SLC4A10: variants seen among roughly 807,000 people sequenced by gnomAD.
SLC4A10 encodes the protein solute carrier family 4 member 10, also known as sodium-driven chloride bicarbonate exchanger.
SLC4A10 carries 42 observed loss-of-function variants against 137.7 expected under a neutral mutation model. The ratio of observed to expected loss-of-function variants is 0.30; its 90% CI spans 0.24 to 0.39. SLC4A10 has a LOEUF of 0.39. SLC4A10 is among the 10% of genes least tolerant of loss of function. SLC4A10 has a pLI of 1.00. For synonymous variants in SLC4A10, 474 were observed against 464.1 expected (o/e 1.02, Z -0.27); for missense variants, 925 against 1,355.0 (o/e 0.68, Z 4.98).
chr2:161,720,395 T>C (rs1169427520), intron 1 of SLC4A10, among the ~76,000 whole-genome samples: 4 of 152,168 alleles, frequency 2.6e-5, no homozygotes, highest in African/African-American at 4.8e-5. Flanking sequence ...TTTGGTTCCA[T>C]ATGAACTTTA....
chr2:161,708,897 A>T, intron 1 of SLC4A10: 3 of 1,443,352 alleles, frequency 2.1e-6, no homozygotes, highest in Non-Finnish European at 2.7e-6. Flanking sequence ...GTTCTTACTC[A>T]TTGAAAATAT....
At chr2:161,821,081 C>G (rs982204094) in intron 3 of SLC4A10, among the ~76,000 whole-genome samples, 1 of 152,166 alleles carries the variant, frequency 6.6e-6, no homozygotes, top group Non-Finnish European at 1.5e-5. Context: ...TGGATATTCT[C>G]TTCTAGGAAG....
chr2:161,840,563 C>T (rs991854092), intron 4 of SLC4A10, among the ~76,000 whole-genome samples: 1 of 152,278 alleles, frequency 6.6e-6, no homozygotes, highest in African/African-American at 2.4e-5. Context: ...AGTTAACAAA[C>T]ATTTATGGAG....
chr2:161,856,600 A>C (rs1222521491), intron 5 of SLC4A10, among the ~76,000 whole-genome samples: 1 of 152,136 alleles, frequency 6.6e-6, no homozygotes. Flanking sequence ...CTCAGAAATA[A>C]GCAAACTCCC....
chr2:161,916,949 T>C (rs916912498), intron 15 of SLC4A10, among the ~76,000 whole-genome samples: 1 of 152,232 alleles, frequency 6.6e-6, no homozygotes. Flanking sequence ...CTTTGAAGTA[T>C]GCCCTTAAGT....
chr2:161,904,730 C>A, intron 13 of SLC4A10, 46 bp from the exon 14 acceptor site: 1 of 1,602,120 alleles, frequency 6.2e-7, no homozygotes. Flanking sequence ...GCTACAATGG[C>A]CTCCTGTACA....
At chr2:161,821,263 C>T (rs62187700) in intron 3 of SLC4A10, among the ~76,000 whole-genome samples, 10,727 of 152,214 alleles carry the variant, frequency 0.07, 456 homozygotes, top group East Asian at 0.15. Flanking sequence ...CAGATTCCAG[C>T]AGAGTCTGCT....
intron 1 of SLC4A10, among the ~76,000 whole-genome samples, chr2:161,750,169 A>G (rs1393465381): frequency 6.6e-6 from 1 of 151,222 alleles, no homozygotes; most frequent in Admixed American, 6.6e-5. Flanking sequence ...CTAGGGGTTT[A>G]TCAATTTTCT....
intron 3 of SLC4A10, among the ~76,000 whole-genome samples, chr2:161,815,407 C>A (rs1302307767): frequency 2.6e-5 from 4 of 152,100 alleles, no homozygotes; most frequent in Non-Finnish European, 4.4e-5. Context: ...GAAGAAGGTG[C>A]CTACTTCTCC....
At chr2:161,928,209 C>A (rs1480447640) in intron 15 of SLC4A10, among the ~76,000 whole-genome samples, 1 of 149,342 alleles carries the variant, frequency 6.7e-6, no homozygotes, top group Non-Finnish European at 1.5e-5. Context: ...ATGATGAGTT[C>A]ATGTCCTTTG....
intron 2 of SLC4A10, among the ~76,000 whole-genome samples, chr2:161,779,608 T>C (rs2052772114): frequency 6.6e-6 from 1 of 151,896 alleles, no homozygotes; most frequent in Non-Finnish European, 1.5e-5. Context: ...TTATAATATT[T>C]TGCAACTAAA....
At chr2:161,650,851 T>G (rs1294786529) in intron 1 of SLC4A10, among the ~76,000 whole-genome samples, 1 of 152,078 alleles carries the variant, frequency 6.6e-6, no homozygotes, top group East Asian at 1.9e-4. Context: ...CAGGTGTACC[T>G]CAGCAGGAAC....
At chr2:161,928,832 C>T (rs186879531) in intron 15 of SLC4A10, among the ~76,000 whole-genome samples, 24 of 152,046 alleles carry the variant, frequency 1.6e-4, no homozygotes, top group South Asian at 4.1e-4. Context: ...ACTGTATGCA[C>T]GCCATACCTA....
intron 1 of SLC4A10, among the ~76,000 whole-genome samples, chr2:161,723,225 A>T (rs2045881293): frequency 6.6e-6 from 1 of 152,158 alleles, no homozygotes; most frequent in East Asian, 1.9e-4. Flanking sequence ...TCACAGATCC[A>T]TGGGAAAAGT....
intron 23 of SLC4A10, 129 bp downstream of exon 23, chr2:161,965,302 G>A: frequency 1.2e-6 from 1 of 847,516 alleles, no homozygotes; most frequent in Non-Finnish European, 1.7e-6. Flanking sequence ...ACAACCACAA[G>A]TAGACTAGTT....
At chr2:161,836,502 GAAA>G (rs1433022328) in intron 3 of SLC4A10, among the ~76,000 whole-genome samples, 1 of 114,504 alleles carries the variant, frequency 8.7e-6, no homozygotes, top group African/African-American at 3.6e-5. Flanking sequence ...AGAAAAGGAA[GAAA>G]AAGAAAGAAA....
intron 3 of SLC4A10, among the ~76,000 whole-genome samples, chr2:161,833,320 T>A (rs554342177): frequency 6.6e-6 from 1 of 152,354 alleles, no homozygotes; most frequent in Admixed American, 6.5e-5. Context: ...GGGTTCTATC[T>A]GCTGTAAAAT....
At chr2:161,975,110 G>A (rs1308165017) in intron 24 of SLC4A10, among the ~76,000 whole-genome samples, 2 of 152,132 alleles carry the variant, frequency 1.3e-5, no homozygotes, top group East Asian at 3.8e-4. Flanking sequence ...TAGATCTTTA[G>A]GGTCTGACTC....
chr2:161,881,010 G>A (rs1462114950), intron 9 of SLC4A10, among the ~76,000 whole-genome samples: 2 of 151,984 alleles, frequency 1.3e-5, no homozygotes, highest in Non-Finnish European at 2.9e-5. Context: ...GAACAACGGA[G>A]AAAAAAATTA....
Sources: allele counts gnomAD v4.1 joint callset (sites outside exome capture counted in the v4.1 genomes callset), GRCh38; gene constraint gnomAD v4.1.1; transcripts MANE v1.5; gene names NCBI Gene and HGNC (gene_info 2026-07-23, HGNC 2026-07-21).